Variants in LPP observed in about 807,000 individuals in gnomAD.
LPP encodes LIM domain containing preferred translocation partner in lipoma.
LPP carries 38 observed loss-of-function variants against 60.4 expected under a neutral mutation model. The ratio of observed to expected loss-of-function variants is 0.63; its 90% confidence interval spans 0.49 to 0.83. LPP has a LOEUF of 0.83. Among genes scored for constraint, LPP ranks in the 40% least tolerant of loss-of-function variants. The probability of loss-of-function intolerance (pLI) is 0.00; values close to 1 mark genes in which losing one functional copy is unlikely to be tolerated. For synonymous variants in LPP, 328 were observed against 290.8 expected, an observed-to-expected ratio of 1.13 and a Z score of -1.30; for missense variants, 902 against 783.6, an observed-to-expected ratio of 1.15 and a Z score of -1.80.
At chr3:188,738,103 T>C (rs140316337) in intron 8 of LPP, among the ~76,000 whole-genome samples, 418 of 152,236 alleles carry the variant, frequency 2.7e-3, no homozygotes, top group Admixed American at 5.9e-3. Flanking sequence ...TTTATTTGAG[T>C]AGGATATTGG....
chr3:188,453,873 CATGTAGAA>C (rs1797154560), intron 4 of LPP, among the ~76,000 whole-genome samples: 2 of 152,084 alleles, frequency 1.3e-5, no homozygotes, highest in Non-Finnish European at 2.9e-5. Flanking sequence ...ACAAATATAG[CATGTAGAA>C]CTGTGGAGAT....
intron 2 of LPP, among the ~76,000 whole-genome samples, chr3:188,336,068 T>G (rs73888223): frequency 0.092 from 13,942 of 152,182 alleles, 701 homozygotes; most frequent in Non-Finnish European, 0.098. Flanking sequence ...GGTGGTGGCA[T>G]AGATTATTAA....
intron 3 of LPP, among the ~76,000 whole-genome samples, chr3:188,354,964 C>T (rs1469459568): frequency 1.3e-5 from 2 of 152,066 alleles, no homozygotes; most frequent in South Asian, 4.1e-4. Context: ...ATTGGGAGCA[C>T]CCTGAAGACA....
chr3:188,436,641 A>G (rs1792372607), intron 4 of LPP, among the ~76,000 whole-genome samples: 1 of 152,222 alleles, frequency 6.6e-6, no homozygotes, highest in African/African-American at 2.4e-5. Flanking sequence ...ATTTCTATGC[A>G]AAAGGCCAAA....
At chr3:188,788,437 A>G (rs1457455804) in intron 9 of LPP, among the ~76,000 whole-genome samples, 1 of 152,166 alleles carries the variant, frequency 6.6e-6, no homozygotes, top group Non-Finnish European at 1.5e-5. Flanking sequence ...TTTAGACATC[A>G]CTTTTCCCTC....
chr3:188,766,830 A>G (rs1475624527), intron 9 of LPP, among the ~76,000 whole-genome samples: 2 of 152,156 alleles, frequency 1.3e-5, no homozygotes, highest in Non-Finnish European at 2.9e-5. Context: ...TTTGTCATGC[A>G]CTTCTTTTCT....
At chr3:188,783,880 A>G (rs371879639) in intron 9 of LPP, among the ~76,000 whole-genome samples, 1 of 32,656 alleles carries the variant, frequency 3.1e-5, no homozygotes, top group Non-Finnish European at 5.5e-5. Context: ...TCATTCTTAC[A>G]AAACTGTCCC....
intron 3 of LPP, among the ~76,000 whole-genome samples, chr3:188,346,417 G>A (rs1214044805): frequency 6.7e-6 from 1 of 149,642 alleles, no homozygotes; most frequent in Non-Finnish European, 1.5e-5. Flanking sequence ...ACACCCCCAC[G>A]CCCAGCTAAT....
intron 6 of LPP, among the ~76,000 whole-genome samples, chr3:188,561,437 T>C (rs1830655115): frequency 6.6e-6 from 1 of 152,088 alleles, no homozygotes; most frequent in Non-Finnish European, 1.5e-5. Flanking sequence ...AAATCCATTC[T>C]ATACTTATTA....
At chr3:188,865,351 C>G (rs6444333) in intron 9 of LPP, among the ~76,000 whole-genome samples, 91,074 of 152,090 alleles carry the variant, frequency 0.6, 27,609 homozygotes, top group East Asian at 0.84. Context: ...CAGCTCCCTT[C>G]TACATTCAAC....
rs1238667564 is a variant in LPP, at chr3:188,179,570, G to A, written c.-190+25318G>A. On this transcript the variant is annotated intron_variant, in intron 1 of 11. Coordinates refer to ENST00000617246, the MANE Select transcript of LPP (RefSeq NM_001375462.1). ...ATATTTCCATTTAAAGCCCTCTCGA[G>A]AGGTCTGTCTCCTGCCAGCAGCATT... is the stretch of plus-strand genomic sequence containing the variant. 6.7e-6 allele frequency: 3 copies of A among 446,050 alleles called. No individual in the cohort carries two copies. In the Admixed American group the frequency reaches 7.2e-5, roughly 11 times the overall value. 27.6% of individuals were successfully genotyped at this position (446,050 alleles called of 1,614,324 possible). A position where few individuals can be genotyped will look rare whatever the true frequency, so the allele number is the denominator to read the frequency against.
intron 5 of LPP, among the ~76,000 whole-genome samples, chr3:188,508,441 G>A (rs1265694240): frequency 7.9e-5 from 12 of 152,196 alleles, no homozygotes; most frequent in Admixed American, 7.8e-4. Flanking sequence ...AGACAAAATT[G>A]TAGCAGTAGG....
intron 2 of LPP, among the ~76,000 whole-genome samples, chr3:188,338,430 G>T (rs1762230495): frequency 6.6e-6 from 1 of 152,148 alleles, no homozygotes; most frequent in South Asian, 2.1e-4. Context: ...TAAATGTTAG[G>T]TTAAGTAATC....
intron 9 of LPP, among the ~76,000 whole-genome samples, chr3:188,765,050 A>G (rs771254957): frequency 3.3e-5 from 5 of 152,196 alleles, no homozygotes; most frequent in Non-Finnish European, 5.9e-5. Context: ...GTCAGCCTAC[A>G]TTAAGAGGTA....
At chr3:188,831,365 A>C (rs1483109608) in intron 9 of LPP, among the ~76,000 whole-genome samples, 10 of 152,172 alleles carry the variant, frequency 6.6e-5, no homozygotes, top group African/African-American at 2.4e-4. Context: ...CAGTTAGGAG[A>C]GAGAGGAGTC....
chr3:188,240,707 CCTT>C (rs1444825073), intron 2 of LPP, among the ~76,000 whole-genome samples: 2 of 152,154 alleles, frequency 1.3e-5, no homozygotes, highest in African/African-American at 4.8e-5. Flanking sequence ...AACACATCAA[CCTT>C]CTTTGGGATT....
chr3:188,597,481 A>C (rs1163878506), intron 6 of LPP, among the ~76,000 whole-genome samples: 1 of 152,148 alleles, frequency 6.6e-6, no homozygotes, highest in Non-Finnish European at 1.5e-5. Context: ...GAGTAGCAGT[A>C]AAAGATAGGA....
At chr3:188,642,142 TC>T (rs1850273365) in intron 7 of LPP, among the ~76,000 whole-genome samples, 1 of 152,180 alleles carries the variant, frequency 6.6e-6, no homozygotes, top group Non-Finnish European at 1.5e-5. Flanking sequence ...ATAGAGTATT[TC>T]CTCCAAAGTT....
At chr3:188,365,136 T>C (rs1471236881) in intron 3 of LPP, among the ~76,000 whole-genome samples, 1 of 150,488 alleles carries the variant, frequency 6.6e-6, no homozygotes, top group Admixed American at 6.6e-5. Context: ...TTTTTTCTGG[T>C]GACCTCTTAA....
Sources: gnomAD v4.1 joint callset for allele counts (sites outside exome capture counted in the v4.1 genomes callset) on GRCh38, gnomAD v4.1.1 for gene constraint, MANE v1.5 for transcripts, NCBI Gene and HGNC (gene_info 2026-07-23, HGNC 2026-07-21) for gene names.